Variants in ZNF469 observed in about 807,000 individuals in gnomAD.
ZNF469 encodes zinc finger protein 469.
Under a neutral mutation model 1.0 loss-of-function variants are expected in ZNF469, and 1 was observed. The ratio of observed to expected loss-of-function variants is 1.00; its 90% CI spans 0.35 to 4.73. ZNF469 has a LOEUF of 4.73. Among genes scored for constraint, ZNF469 ranks in the 30% most tolerant of loss-of-function variants. The pLI, the probability that ZNF469 is intolerant of heterozygous loss-of-function variation, is 0.16. For missense variants in ZNF469, 6,100 were observed against 5,356.3 expected, an observed-to-expected ratio of 1.14 and a Z score of -4.33; for synonymous variants, 2,703 against 2,363.4, an observed-to-expected ratio of 1.14 and a Z score of -4.17.
At chr16:88,172,241 G>T in the ZNF469 span, among the ~76,000 whole-genome samples, 1 of 152,224 alleles carries the variant, frequency 6.6e-6, no homozygotes, top group Non-Finnish European at 1.5e-5. Context: ...ATCTGTGTGT[G>T]CGTGTGAAGA....
chr16:88,382,145 G>A (rs933716092), upstream of ZNF469, among the ~76,000 whole-genome samples: 1 of 152,246 alleles, frequency 6.6e-6, no homozygotes, highest in African/African-American at 2.4e-5. Context: ...CCCAGATGCT[G>A]CCCGTAACGC....
At chr16:88,350,456 G>T in the ZNF469 span, among the ~76,000 whole-genome samples, 5 of 152,230 alleles carry the variant, frequency 3.3e-5, no homozygotes, top group Admixed American at 3.3e-4. Flanking sequence ...CTCTCGCCTG[G>T]GCTGGGCCAC....
At chr16:88,385,303 A>G (rs959528434) in intron 1 of ZNF469, among the ~76,000 whole-genome samples, 2 of 151,986 alleles carry the variant, frequency 1.3e-5, no homozygotes, top group Admixed American at 1.3e-4. Flanking sequence ...GATGGTTTCA[A>G]GACAAGCCCC....
At chr16:88,175,527 A>G in the ZNF469 span, among the ~76,000 whole-genome samples, 33 of 152,252 alleles carry the variant, frequency 2.2e-4, no homozygotes, top group Non-Finnish European at 1.0e-4. Context: ...ACTAGTTATC[A>G]GTAACAGAAA....
At chr16:88,114,265 G>A in the ZNF469 span, among the ~76,000 whole-genome samples, 5 of 147,026 alleles carry the variant, frequency 3.4e-5, no homozygotes, top group South Asian at 6.7e-4. Context: ...GGGTGTCTCC[G>A]GGGAGAATGA....
chr16:88,395,352 G>A (rs983162412), intron 1 of ZNF469, among the ~76,000 whole-genome samples: 1 of 151,042 alleles, frequency 6.6e-6, no homozygotes, highest in African/African-American at 2.5e-5. Context: ...TGGGTGGATG[G>A]ATGGATGGAT....
chr16:88,434,310 C>T lies in ZNF469; in HGVS notation c.6840C>T (p.Ser2280=). Residue 2280 remains serine, a synonymous_variant, in exon 3 of 3, where the codon AGC becomes AGT. Coordinates refer to ENST00000565624, the MANE Select transcript of ZNF469 (RefSeq NM_001367624.2). Reference sequence around the variant, plus strand: ...CTCTGGCAGGGGCCGTCTCCCCCAGCGTGGCCGTCAGGGCTACTGGCCTGT... The same window carrying T: ...CTCTGGCAGGGGCCGTCTCCCCCAGTGTGGCCGTCAGGGCTACTGGCCTGT... ...SPPLAGAVSP[S]VAVRATGLSS... The T allele has an allele frequency of 1.3e-6, 2 of 1,550,330 alleles. No homozygotes were observed. The highest frequency in any genetic ancestry group is 8.7e-7 in the Non-Finnish European group (1 of 1,146,948).
At chr16:88,284,442 C>G in the ZNF469 span, among the ~76,000 whole-genome samples, 1 of 151,866 alleles carries the variant, frequency 6.6e-6, no homozygotes, top group African/African-American at 2.4e-5. Context: ...ATAGCAAGAC[C>G]CCATCTCTAC....
At chr16:88,337,650 G>T in the ZNF469 span, among the ~76,000 whole-genome samples, 1 of 152,148 alleles carries the variant, frequency 6.6e-6, no homozygotes, top group Non-Finnish European at 1.5e-5. Context: ...CGAGGACTCT[G>T]GTCCTCTGCA....
the ZNF469 span, among the ~76,000 whole-genome samples, chr16:88,224,388 G>T: frequency 1.3e-5 from 2 of 152,256 alleles, no homozygotes; most frequent in East Asian, 3.8e-4. Context: ...TAACGTCACT[G>T]TTGGCGCGGA....
the ZNF469 span, among the ~76,000 whole-genome samples, chr16:88,225,081 C>A: frequency 1.3e-5 from 2 of 152,248 alleles, no homozygotes; most frequent in Non-Finnish European, 2.9e-5. Flanking sequence ...CTGCCCCTTC[C>A]CCTCAGTGCC....
the ZNF469 span, among the ~76,000 whole-genome samples, chr16:88,307,829 A>G: frequency 6.6e-6 from 1 of 152,198 alleles, no homozygotes; most frequent in Admixed American, 6.5e-5. Flanking sequence ...TTGCAGCACA[A>G]AAGTTTTAAT....
chr16:88,419,795 G>A (rs1014769681), intron 1 of ZNF469, among the ~76,000 whole-genome samples: 2 of 152,248 alleles, frequency 1.3e-5, no homozygotes, highest in Non-Finnish European at 2.9e-5. Flanking sequence ...CAGCCGCTCA[G>A]GTCACCCAGA....
chr16:88,416,072 C>T (rs1404934876), intron 1 of ZNF469, among the ~76,000 whole-genome samples: 1 of 152,220 alleles, frequency 6.6e-6, no homozygotes, highest in Non-Finnish European at 1.5e-5. Flanking sequence ...GATATGATTC[C>T]GAACCCCACA....
At chr16:88,145,224 C>G in the ZNF469 span, among the ~76,000 whole-genome samples, 1 of 152,096 alleles carries the variant, frequency 6.6e-6, no homozygotes, top group Admixed American at 6.5e-5. Context: ...GTGTCATGTT[C>G]AGGGAAACAG....
chr16:88,122,149 C>T, the ZNF469 span, among the ~76,000 whole-genome samples: 320 of 141,732 alleles, frequency 2.3e-3, 2 homozygotes, highest in African/African-American at 8.1e-3. Flanking sequence ...CAGATCACAC[C>T]CCGTCACTCG....
At chr16:88,164,503 G>C in the ZNF469 span, among the ~76,000 whole-genome samples, 1 of 152,168 alleles carries the variant, frequency 6.6e-6, no homozygotes, top group Non-Finnish European at 1.5e-5. Flanking sequence ...ATGGATGTTT[G>C]GATGAGCAGA....
chr16:88,375,933 A>G, the ZNF469 span, among the ~76,000 whole-genome samples: 1 of 152,266 alleles, frequency 6.6e-6, no homozygotes, highest in Non-Finnish European at 1.5e-5. Flanking sequence ...TGTGGGCCGG[A>G]CTGGAGTGGA....
chr16:88,198,931 C>G, the ZNF469 span, among the ~76,000 whole-genome samples: 1 of 152,238 alleles, frequency 6.6e-6, no homozygotes, highest in African/African-American at 2.4e-5. Context: ...CCCCTGGCAA[C>G]TCCAGGGCGG....
Sources: allele counts gnomAD v4.1 joint callset (sites outside exome capture counted in the v4.1 genomes callset), GRCh38; gene constraint gnomAD v4.1.1; transcripts MANE v1.5; gene names NCBI Gene and HGNC (gene_info 2026-07-23, HGNC 2026-07-21).